RAB6A: variants seen among roughly 807,000 people sequenced by gnomAD.
The protein encoded by RAB6A is ras-related protein Rab-6A.
RAB6A carries 8 observed loss-of-function variants against 32.3 expected under a neutral mutation model. The ratio of observed to expected loss-of-function variants is 0.25; its 90% CI spans 0.15 to 0.45. The LOEUF is 0.45. Ranked by LOEUF, RAB6A falls within the 20% of genes least tolerant of loss-of-function variation. RAB6A has a pLI of 1.00. For synonymous variants in RAB6A, 73 were observed against 82.1 expected, an observed-to-expected ratio of 0.89 and a Z score of 0.60; for missense variants, 104 against 249.4, an observed-to-expected ratio of 0.42 and a Z score of 3.93.
chr11:73,716,714 C>G (rs916298349), intron 4 of RAB6A, among the ~76,000 whole-genome samples: 3 of 152,012 alleles, frequency 2.0e-5, no homozygotes, highest in African/African-American at 7.2e-5. Flanking sequence ...CTTTTTTGAT[C>G]ACTTACACAT....
chr11:73,758,449 C>G (rs78656369), intron 1 of RAB6A, among the ~76,000 whole-genome samples: 3,192 of 152,140 alleles, frequency 0.021, 112 homozygotes, highest in African/African-American at 0.072. Flanking sequence ...TCTACACTAT[C>G]TTTTCAATTT....
rs567173668 is a variant in RAB6A at position 73,732,309 on chromosome 11, G to A, written c.71-1486C>T. On this transcript the variant is annotated intron_variant, in intron 1 of 7. Transcript: ENST00000336083. Reference sequence around the variant, plus strand: ...GGATAAGAACCATACCTAAAAGGCCGGGTGCGGTGGCTCACGCCTGTAATC... The same window carrying A: ...GGATAAGAACCATACCTAAAAGGCCAGGTGCGGTGGCTCACGCCTGTAATC... Among the ~76,000 whole-genome samples, 8 of 152,140 alleles carry A rather than the reference G, an allele frequency of 5.3e-5. No individual in the cohort carries two copies. In the South Asian group the frequency reaches 8.3e-4, roughly 16 times the overall value.
At chr11:73,697,031 A>C (rs771528959) in intron 6 of RAB6A, among the ~76,000 whole-genome samples, 21 of 152,088 alleles carry the variant, frequency 1.4e-4, no homozygotes, top group Non-Finnish European at 2.4e-4. Context: ...TGTTCTCCAT[A>C]ACTATCTCTG....
chr11:73,689,356 T>G (rs1208288377), intron 6 of RAB6A, among the ~76,000 whole-genome samples: 3 of 152,186 alleles, frequency 2.0e-5, no homozygotes, highest in East Asian at 1.9e-4. Context: ...CACAATAGTG[T>G]TCATGCTCCT....
intron 2 of RAB6A, among the ~76,000 whole-genome samples, chr11:73,725,898 A>T (rs552791293): frequency 2.0e-5 from 3 of 152,274 alleles, no homozygotes; most frequent in Admixed American, 1.3e-4. Context: ...CATGCCAATA[A>T]TCCCAGCACT....
chr11:73,680,523 A>G (rs1346923437), intron 6 of RAB6A, among the ~76,000 whole-genome samples: 1 of 152,104 alleles, frequency 6.6e-6, no homozygotes, highest in African/African-American at 2.4e-5. Context: ...GTGGTGGCAC[A>G]TGCCTGTAAT....
intron 1 of RAB6A, among the ~76,000 whole-genome samples, chr11:73,756,861 A>G (rs890478293): frequency 6.6e-6 from 1 of 151,208 alleles, no homozygotes; most frequent in African/African-American, 2.4e-5. Context: ...TTTAGTAGAG[A>G]TGGGATTTTG....
chr11:73,676,326 T>C lies in RAB6A; in HGVS notation c.*1572A>G, dbSNP rs998145526. ...GTCCTGCAAACAATGTATTTACAAA[T>C]GTGTTTATTAGCTTACACAGCAATC... On this transcript the variant is annotated 3_prime_UTR_variant, in exon 8 of 8. Transcript: ENST00000336083. The C allele has an allele frequency of 8.4e-5, 14 of 167,114 alleles. No individual in the cohort carries two copies. The highest frequency in any genetic ancestry group is 1.9e-4 in the Non-Finnish European group (13 of 68,130). The allele number at this position is 167,114 out of a possible 1,614,324, so 10.4% of individuals were successfully genotyped here. A position where few individuals can be genotyped will look rare whatever the true frequency, so the allele number is the denominator to read the frequency against.
Position 73,719,616 on chromosome 11 carries a change from A to AT in RAB6A, c.184-899dup, listed in dbSNP as rs768603020. 4.6e-3 allele frequency among the ~76,000 whole-genome samples: 661 copies of AT among 143,596 alleles called. 7 individuals carry two copies. Among genetic ancestry groups the AT allele is most frequent in the Admixed American group, 0.02 (280 of 14,184 alleles). The allele number at this position is 143,596 out of a possible 152,430, so 94.2% of individuals were successfully genotyped here. ...GATAAAGTCGTTTCCAAGCTTTCAA[A>AT]TTTTTTTTTTTTTTTTTAGACAGAC... On this transcript the variant is annotated intron_variant, in intron 3 of 7. Coordinates refer to ENST00000336083, the MANE Select transcript of RAB6A (RefSeq NM_198896.2).
intron 5 of RAB6A, 118 bp downstream of exon 5, chr11:73,716,133 G>A: frequency 1.5e-6 from 1 of 667,232 alleles, no homozygotes; most frequent in Non-Finnish European, 2.4e-6. Flanking sequence ...GAAAAGCAGG[G>A]GAGGACGTAA....
At chr11:73,756,094 T>C (rs915224377) in intron 1 of RAB6A, among the ~76,000 whole-genome samples, 4 of 152,202 alleles carry the variant, frequency 2.6e-5, no homozygotes, top group African/African-American at 9.7e-5. Context: ...GGCTCACACC[T>C]GTAATCCCAG....
intron 6 of RAB6A, among the ~76,000 whole-genome samples, chr11:73,703,002 G>A (rs1945772190): frequency 6.6e-6 from 1 of 151,834 alleles, no homozygotes; most frequent in Admixed American, 6.6e-5. Flanking sequence ...GATTACAGGT[G>A]TATGAGACCA....
intron 1 of RAB6A, among the ~76,000 whole-genome samples, chr11:73,757,598 T>C (rs1256734973): frequency 6.6e-6 from 1 of 152,144 alleles, no homozygotes; most frequent in Non-Finnish European, 1.5e-5. Context: ...ACAACTTTAA[T>C]AAAGGAAGAC....
chr11:73,738,705 TAGGCCGAGGC>T (rs1463999632), intron 1 of RAB6A, among the ~76,000 whole-genome samples: 1 of 151,814 alleles, frequency 6.6e-6, no homozygotes, highest in East Asian at 1.9e-4. Flanking sequence ...CGCACTTTGG[TAGGCCGAGGC>T]AGGCAGATCA....
intron 5 of RAB6A, among the ~76,000 whole-genome samples, chr11:73,714,209 A>AATATATATATATATAT (rs1555059763): frequency 1.6e-4 from 9 of 57,552 alleles, no homozygotes; most frequent in Admixed American, 2.2e-4. Context: ...AAAAAAAAAA[A>AATATATATATATATAT]ATATATATAT....
rs1565364850 is a variant in RAB6A at position 73,722,324 on chromosome 11, TATATATATATATATATATA to T, written c.130-1444_130-1426del. 48 of 9,508 alleles carry T rather than the reference TATATATATATATATATATA, an allele frequency of 5.0e-3. 3 individuals carry two copies. The highest frequency in any genetic ancestry group is 0.014 in the African/African-American group (42 of 2,994). 0.6% of individuals were successfully genotyped at this position (9,508 alleles called of 1,614,324 possible). On this transcript the variant is annotated intron_variant, in intron 2 of 7. Transcript: ENST00000336083. ...GTGTGTGTATATATATATATATATA[TATATATATATATATATATA>T]TTTTTTTTTTTTTTTTTTTTTTTTG...
rs546436165 is a variant in RAB6A, at chr11:73,746,852, T to C, written c.70+13714A>G. Among the ~76,000 whole-genome samples the C allele has an allele frequency of 3.9e-5, 6 of 152,174 alleles. No homozygotes were observed. The South Asian group carries it at 1.2e-3, about 32-fold the overall frequency. On this transcript the variant is annotated intron_variant, in intron 1 of 7. Transcript: ENST00000336083. ...TGCCTACTTACTAACCACGCAACCA[T>C]GAGACAAGTTAGTTAATCTCTCTGT...
chr11:73,680,429 T>C (rs1945337460), intron 6 of RAB6A, among the ~76,000 whole-genome samples: 1 of 152,162 alleles, frequency 6.6e-6, no homozygotes, highest in East Asian at 1.9e-4. Context: ...GGCCAAGGGG[T>C]GTGGATCACG....
intron 6 of RAB6A, among the ~76,000 whole-genome samples, chr11:73,706,564 T>C (rs941606941): frequency 6.6e-6 from 1 of 151,942 alleles, no homozygotes; most frequent in African/African-American, 2.4e-5. Flanking sequence ...CTGGGACCAC[T>C]ACCCTACATG....
Sources: gnomAD v4.1 joint callset for allele counts (sites outside exome capture counted in the v4.1 genomes callset) on GRCh38, gnomAD v4.1.1 for gene constraint, MANE v1.5 for transcripts, NCBI Gene and HGNC (gene_info 2026-07-23, HGNC 2026-07-21) for gene names.